ZNF730: variants seen among roughly 807,000 people sequenced by gnomAD.
The protein encoded by ZNF730 is zinc finger protein 730, also known as putative zinc finger protein 730.
A neutral mutation model predicts 12.6 loss-of-function variants in ZNF730; 12 were observed. That is an observed-to-expected ratio of 0.95 (90% CI 0.61 to 1.54). The LOEUF is 1.54. ZNF730 is among the 40% of genes most tolerant of loss of function. ZNF730 has a pLI of 0.00. For missense variants in ZNF730, 643 were observed against 583.5 expected, an observed-to-expected ratio of 1.10 and a Z score of -1.05; for synonymous variants, 194 against 195.8, an observed-to-expected ratio of 0.99 and a Z score of 0.08.
chr19:23,077,636 TTCA>T (rs1239031614), intron 1 of ZNF730, among the ~76,000 whole-genome samples: 1 of 151,752 alleles, frequency 6.6e-6, no homozygotes, highest in African/African-American at 2.4e-5. Context: ...GAGATAGGGC[TTCA>T]TCATGTTGGC....
intron 1 of ZNF730, among the ~76,000 whole-genome samples, chr19:23,089,277 G>A (rs1305955873): frequency 6.6e-6 from 1 of 151,868 alleles, no homozygotes; most frequent in Admixed American, 6.6e-5. Flanking sequence ...TGTGATCTCG[G>A]CTTCTGGCAA....
rs1021279715 is a variant in ZNF730 at position 23,103,889 on chromosome 19, C to T, written c.-94+28502C>T. On this transcript the variant is annotated intron_variant, in intron 1 of 2. Transcript: ENST00000593635. ...ACCTGGACATTTTGTTATTCACAGA[C>T]AAGTGTTGTCTTGTCTTAATTATTT... 5.9e-5 allele frequency among the ~76,000 whole-genome samples: 9 copies of T among 152,078 alleles called. No individual in the cohort carries two copies. In the East Asian group the frequency reaches 7.7e-4, roughly 13 times the overall value.
intron 1 of ZNF730, among the ~76,000 whole-genome samples, chr19:23,082,279 G>A (rs1969978346): frequency 6.6e-6 from 1 of 151,534 alleles, no homozygotes; most frequent in South Asian, 2.1e-4. Flanking sequence ...TGAAGTATTT[G>A]TCTTTCTGTG....
chr19:23,091,611 A>G (rs1039123003), intron 1 of ZNF730, among the ~76,000 whole-genome samples: 2 of 152,228 alleles, frequency 1.3e-5, no homozygotes, highest in African/African-American at 4.8e-5. Context: ...TGAGACTTGG[A>G]GTCAAAGGAG....
intron 1 of ZNF730, among the ~76,000 whole-genome samples, chr19:23,130,161 C>T (rs1403469205): frequency 2.0e-5 from 3 of 152,092 alleles, no homozygotes; most frequent in South Asian, 2.1e-4. Flanking sequence ...GGGAAAAACA[C>T]GGTGGGAGAT....
intron 1 of ZNF730, among the ~76,000 whole-genome samples, chr19:23,120,215 G>A (rs536573210): frequency 3.9e-5 from 6 of 151,980 alleles, no homozygotes; most frequent in South Asian, 2.1e-4. Flanking sequence ...GGCTGGTCTC[G>A]AACTCCTAAC....
chr19:23,134,480 G>A (rs1040160773), intron 2 of ZNF730, among the ~76,000 whole-genome samples: 1 of 147,312 alleles, frequency 6.8e-6, no homozygotes, highest in Non-Finnish European at 1.5e-5. Flanking sequence ...AGGTGGGGGG[G>A]CCAGCCCCCC....
chr19:23,083,153 C>T (rs576303521), intron 1 of ZNF730, among the ~76,000 whole-genome samples: 7 of 151,480 alleles, frequency 4.6e-5, no homozygotes, highest in African/African-American at 1.7e-4. Context: ...TGGCTGAGCC[C>T]GGTGGCTCAC....
At chr19:23,109,305 C>G (rs1478249948) in intron 1 of ZNF730, among the ~76,000 whole-genome samples, 1 of 152,062 alleles carries the variant, frequency 6.6e-6, no homozygotes, top group African/African-American at 2.4e-5. Context: ...TCTTGGCTCA[C>G]TGCAACCCCG....
intron 1 of ZNF730, among the ~76,000 whole-genome samples, chr19:23,132,522 C>CA (rs1022813340): frequency 2.6e-5 from 4 of 152,194 alleles, no homozygotes; most frequent in African/African-American, 9.6e-5. Flanking sequence ...GCCTTCTCTA[C>CA]ATTCTCTACA....
chr19:23,128,054 A>C, intron 1 of ZNF730: 2 of 764,224 alleles, frequency 2.6e-6, no homozygotes, highest in Middle Eastern at 3.7e-4. Flanking sequence ...ACTGGCAATG[A>C]ATACAATGTG....
intron 1 of ZNF730, among the ~76,000 whole-genome samples, chr19:23,077,672 T>G (rs1329104111): frequency 1.3e-5 from 2 of 151,824 alleles, no homozygotes; most frequent in East Asian, 3.9e-4. Context: ...GAACTCCTGA[T>G]GTCAAGTGAT....
intron 1 of ZNF730, among the ~76,000 whole-genome samples, chr19:23,085,418 G>A (rs894200050): frequency 4.2e-5 from 6 of 143,818 alleles, no homozygotes; most frequent in African/African-American, 1.6e-4. Context: ...GGCTGTTCTC[G>A]AACTCCTGAC....
intron 2 of ZNF730, among the ~76,000 whole-genome samples, chr19:23,134,415 G>A (rs1436306778): frequency 3.5e-5 from 5 of 144,662 alleles, no homozygotes; most frequent in African/African-American, 7.7e-5. Context: ...CCGGCCAGCC[G>A]CCCAGTCCGG....
At chr19:23,095,100 G>T (rs966549884) in intron 1 of ZNF730, 22 of 341,216 alleles carry the variant, frequency 6.4e-5, no homozygotes, top group Non-Finnish European at 1.6e-5. Flanking sequence ...TGATGCTCCT[G>T]CCTGGGCCCA....
intron 1 of ZNF730, among the ~76,000 whole-genome samples, chr19:23,081,002 C>T (rs1969957122): frequency 6.6e-6 from 1 of 151,636 alleles, no homozygotes; most frequent in South Asian, 2.1e-4. Context: ...CACGCCACCA[C>T]TCCTGGCTAA....
In ZNF730 at chr19:23,134,068, T is replaced by G. The variant is rs1228763943; in HGVS notation, c.4-12T>G. 5 of 1,612,414 alleles carry G rather than the reference T, an allele frequency of 3.1e-6. No homozygotes were observed. Among genetic ancestry groups the G allele is most frequent in the Non-Finnish European group, 4.2e-6 (5 of 1,179,194 alleles). ...CACTTGGTAAATATGTGTGTTTGTT[T>G]GTGTTTTTCAGGGAGCGTTGACATT... On this transcript the variant is annotated splice_polypyrimidine_tract_variant and intron_variant, in intron 1 of 3. Coordinates refer to ENST00000597761, the MANE Select transcript of ZNF730 (RefSeq NM_001277403.2).
At chr19:23,131,164 TAAA>T (rs1435253414) in intron 1 of ZNF730, among the ~76,000 whole-genome samples, 1 of 152,212 alleles carries the variant, frequency 6.6e-6, no homozygotes, top group Non-Finnish European at 1.5e-5. Flanking sequence ...ATAAAAACAA[TAAA>T]AATTTCTGTA....
intron 1 of ZNF730, among the ~76,000 whole-genome samples, chr19:23,108,675 T>G (rs1478069861): frequency 2.0e-5 from 3 of 152,242 alleles, no homozygotes; most frequent in African/African-American, 7.2e-5. Flanking sequence ...ACCAAGAAAC[T>G]ATTTTAATCC....
Sources: gnomAD v4.1 joint callset for allele counts (sites outside exome capture counted in the v4.1 genomes callset) on GRCh38, gnomAD v4.1.1 for gene constraint, MANE v1.5 for transcripts, NCBI Gene and HGNC (gene_info 2026-07-23, HGNC 2026-07-21) for gene names.